CROT: variants seen among roughly 807,000 people sequenced by gnomAD.
CROT encodes the protein peroxisomal carnitine O-octanoyltransferase.
A neutral mutation model predicts 89.2 loss-of-function variants in CROT; 84 were observed. The ratio of observed to expected loss-of-function variants is 0.94; its 90% confidence interval spans 0.79 to 1.13. CROT has a LOEUF of 1.13. CROT is among the 50% of genes most tolerant of loss of function. The pLI is 0.00. For synonymous variants in CROT, 212 were observed against 239.5 expected (o/e 0.89, Z 1.06); for missense variants, 711 against 727.8 (o/e 0.98, Z 0.27).
intron 17 of CROT, among the ~76,000 whole-genome samples, chr7:87,395,108 C>T (rs116314810): frequency 0.012 from 1,884 of 152,238 alleles, 37 homozygotes; most frequent in African/African-American, 0.042. Flanking sequence ...TTAACTCACA[C>T]GATCACAAGG....
At chr7:87,369,229 A>C in intron 6 of CROT, 147 bp from the exon 7 acceptor site, 1 of 505,338 alleles carries the variant, frequency 2.0e-6, no homozygotes, top group Non-Finnish European at 3.6e-6. Flanking sequence ...TTCCATTAAT[A>C]CATTATTTTT....
In CROT at chr7:87,345,739, G is replaced by A; in HGVS notation, c.-141G>A. On this transcript the variant is annotated 5_prime_UTR_variant, in exon 1 of 18. Transcript: ENST00000331536. ...TGCAGGCTGAGGCTGCGGCAGAGGCGGCGAGGCGCGGGCGGTGAGGACGGA... is the reference window on the plus strand; with the variant it reads ...TGCAGGCTGAGGCTGCGGCAGAGGCAGCGAGGCGCGGGCGGTGAGGACGGA... 1 of 335,390 alleles carries A rather than the reference G, an allele frequency of 3.0e-6. No individual in the cohort carries two copies. Among genetic ancestry groups the A allele is most frequent in the Admixed American group, 4.8e-5 (1 of 20,658 alleles). The allele number at this position is 335,390 out of a possible 1,614,324, so 20.8% of individuals were successfully genotyped here.
At chr7:87,384,731 G>C (rs146612391) in intron 13 of CROT, among the ~76,000 whole-genome samples, 41 of 152,232 alleles carry the variant, frequency 2.7e-4, no homozygotes, top group African/African-American at 9.9e-4. Flanking sequence ...GATCCCATTC[G>C]TCCATTTCTG....
chr7:87,377,210 C>T, intron 9 of CROT, 139 bp from the exon 10 acceptor site: 1 of 530,806 alleles, frequency 1.9e-6, no homozygotes, highest in Non-Finnish European at 3.3e-6. Flanking sequence ...ATCAGTGTTG[C>T]TGATCATAAC....
At chr7:87,357,663 A>T (rs1806126994) in intron 3 of CROT, 1 of 689,782 alleles carries the variant, frequency 1.4e-6, no homozygotes, top group Non-Finnish European at 2.6e-6. Flanking sequence ...GCGTCCTCAG[A>T]GGGCAAGCAA....
chr7:87,348,241 GC>G, intron 2 of CROT, among the ~76,000 whole-genome samples: 1 of 151,586 alleles, frequency 6.6e-6, no homozygotes, highest in Admixed American at 6.6e-5. Context: ...ATTTACAAAG[GC>G]TTTGAGAAAC....
rs1462487819 is a variant in CROT at position 87,369,426 on chromosome 7, G to A, written c.598G>A (p.Ala200Thr). ...CATTGTAGTGCTGTGTCGAGGCCGAGCTTTTGTCTTTGATGTAATACATGA... is the reference window on the plus strand; with the variant it reads ...CATTGTAGTGCTGTGTCGAGGCCGAACTTTTGTCTTTGATGTAATACATGA... ...NHIVVLCRGR[A>T]FVFDVIHEGC... The change falls in exon 7 of 18, where the codon GCT (alanine) becomes ACT (threonine). Residue 200 changes from alanine (A) to threonine (T), a missense_variant. Physicochemically the swap from Ala to Thr is moderately conservative, Grantham distance 58. Coordinates refer to ENST00000331536, the MANE Select transcript of CROT (RefSeq NM_021151.4). 2 of 1,613,166 alleles carry A rather than the reference G, an allele frequency of 1.2e-6. No individual in the cohort carries two copies. Among genetic ancestry groups the A allele is most frequent in the East Asian group, 2.2e-5 (1 of 44,842 alleles).
chr7:87,387,570 A>G (rs1266769672), intron 13 of CROT, among the ~76,000 whole-genome samples: 2 of 152,144 alleles, frequency 1.3e-5, no homozygotes, highest in Non-Finnish European at 2.9e-5. Flanking sequence ...TACCAATAAC[A>G]TAAACAATTA....
intron 6 of CROT, among the ~76,000 whole-genome samples, chr7:87,365,612 TTTTG>T (rs71784610): frequency 0.089 from 13,358 of 150,582 alleles, 1,345 homozygotes; most frequent in African/African-American, 0.25. Flanking sequence ...GTTTTTTGTT[TTTTG>T]TTTGTCTTTT....
Position 87,381,996 on chromosome 7 carries a change from A to G in CROT, c.1062+3A>G, listed in dbSNP as rs1807024897. The G allele has an allele frequency of 1.9e-6, 3 of 1,592,652 alleles. No individual in the cohort carries two copies. The East Asian group carries it at 6.7e-5, about 36-fold the overall frequency. The stretch of plus-strand genomic sequence containing the variant: ...TTCAGAATGAAGGAAGATGGAAGGT[A>G]TGTTTGAATAAATATTTCATCTTTT... On this transcript the variant is annotated splice_donor_region_variant and intron_variant, in intron 11 of 17. Coordinates refer to ENST00000331536, the MANE Select transcript of CROT (RefSeq NM_021151.4).
At chr7:87,384,500 C>T (rs1041747707) in intron 13 of CROT, among the ~76,000 whole-genome samples, 7 of 152,178 alleles carry the variant, frequency 4.6e-5, no homozygotes, top group Admixed American at 1.3e-4. Context: ...CCACTGCACT[C>T]CAGCCTGGGC....
intron 7 of CROT, among the ~76,000 whole-genome samples, chr7:87,371,324 C>A (rs1019622061): frequency 6.6e-6 from 1 of 152,068 alleles, no homozygotes; most frequent in Non-Finnish European, 1.5e-5. Flanking sequence ...TTCTTTTAAT[C>A]AACAATAAAT....
intron 6 of CROT, among the ~76,000 whole-genome samples, chr7:87,365,623 T>A: frequency 7.5e-6 from 1 of 133,294 alleles, no homozygotes; most frequent in East Asian, 2.1e-4. Context: ...TTTGTTTGTC[T>A]TTTTTTTTTT....
rs1807630291 is a variant in CROT, at chr7:87,398,553, C to T, written c.1748C>T (p.Ser583Phe). The change falls in exon 18 of 18, where the codon TCC becomes TTC. Residue 583 changes from serine to phenylalanine, a missense_variant. Physicochemically the swap from Ser to Phe is radical, Grantham distance 155. Transcript: ENST00000331536. Reference protein sequence around the residue: ...RFVVACSAWKSCPETDAEKLV... With the variant: ...RFVVACSAWKFCPETDAEKLV... ...GTTGTGGCCTGTTCAGCCTGGAAAT[C>T]CTGTCCCGAGACTGATGCGGAAAAG... The T allele has an allele frequency of 6.2e-7, 1 of 1,613,774 alleles. No individual in the cohort carries two copies. Among genetic ancestry groups the T allele is most frequent in the Non-Finnish European group, 8.5e-7 (1 of 1,179,890 alleles).
intron 3 of CROT, among the ~76,000 whole-genome samples, chr7:87,355,130 C>A (rs570209663): frequency 1.3e-5 from 2 of 150,890 alleles, no homozygotes. Flanking sequence ...GATAGGGCCT[C>A]GCTCTCTTGC....
Position 87,382,183 on chromosome 7 carries a change from T to C in CROT, c.1170+2T>C. 1.9e-6 allele frequency: 3 copies of C among 1,590,484 alleles called. No homozygotes were observed. Among genetic ancestry groups the C allele is most frequent in the Non-Finnish European group, 2.6e-6 (3 of 1,165,432 alleles). On this transcript the variant is annotated splice_donor_variant, in intron 12 of 17. Transcript: ENST00000331536. LOFTEE classifies it high-confidence loss of function. Reference sequence around the variant, plus strand: ...GCTAAAGCCCAGTATCTCAGGGAGGTATATTTTTCACTTTTCTCTTAAATA... The same window carrying C: ...GCTAAAGCCCAGTATCTCAGGGAGGCATATTTTTCACTTTTCTCTTAAATA...
intron 1 of CROT, among the ~76,000 whole-genome samples, 161 bp from the exon 2 acceptor site, chr7:87,346,179 C>G (rs1350626054): frequency 6.6e-6 from 1 of 151,794 alleles, no homozygotes; most frequent in Non-Finnish European, 1.5e-5. Context: ...CTCCTGCTCT[C>G]TAGCAGGTGG....
chr7:87,387,598 G>A (rs1011122686), intron 13 of CROT, among the ~76,000 whole-genome samples: 4 of 151,898 alleles, frequency 2.6e-5, no homozygotes, highest in African/African-American at 9.7e-5. Flanking sequence ...TTTTGTATAT[G>A]TATTATATAT....
intron 13 of CROT, among the ~76,000 whole-genome samples, chr7:87,388,057 C>T (rs1044362682): frequency 1.3e-5 from 2 of 152,060 alleles, no homozygotes; most frequent in Non-Finnish European, 2.9e-5. Flanking sequence ...GTGATACCTT[C>T]CAGGTCCCTA....
Sources: allele counts gnomAD v4.1 joint callset (sites outside exome capture counted in the v4.1 genomes callset), GRCh38; gene constraint gnomAD v4.1.1; transcripts MANE v1.5; gene names NCBI Gene and HGNC (gene_info 2026-07-23, HGNC 2026-07-21).